PHF21A: variants seen among roughly 807,000 people sequenced by gnomAD.
The protein encoded by PHF21A is PHD finger protein 21A.
A neutral mutation model predicts 82.5 loss-of-function variants in PHF21A; 11 were observed. The ratio of observed to expected loss-of-function variants is 0.13; its 90% confidence interval spans 0.08 to 0.22. The LOEUF (loss-of-function observed/expected upper bound fraction) is 0.22, where lower values mean the gene tolerates loss of function less well. PHF21A is among the 10% of genes least tolerant of loss of function. The pLI, the probability that PHF21A is intolerant of heterozygous loss-of-function variation, is 1.00. For synonymous variants in PHF21A, 297 were observed against 302.8 expected (o/e 0.98, Z 0.20); for missense variants, 579 against 837.8 (o/e 0.69, Z 3.81).
Position 45,931,693 on chromosome 11 carries a change from T to G in PHF21A, c.*2275A>C, listed in dbSNP as rs2087665974. On this transcript the variant is annotated 3_prime_UTR_variant, in exon 19 of 19. Transcript: ENST00000676320. ...AGGATCGTTTCTACCTCTCCTAGAC[T>G]CTGGCCATTCCCAGGGCCTGGAGTG... is the stretch of plus-strand genomic sequence containing the variant. 6.6e-6 allele frequency: 1 copy of G among 152,284 alleles called. No homozygotes were observed. Among genetic ancestry groups the G allele is most frequent in the South Asian group, 2.1e-4 (1 of 4,828 alleles). 9.4% of individuals were successfully genotyped at this position (152,284 alleles called of 1,614,324 possible).
At chr11:46,008,872 A>C (rs557046377) in intron 6 of PHF21A, among the ~76,000 whole-genome samples, 3 of 151,508 alleles carry the variant, frequency 2.0e-5, no homozygotes, top group Non-Finnish European at 4.4e-5. Flanking sequence ...CCATTCCACT[A>C]CTTATTTGAC....
chr11:45,999,522 T>A (rs1353886777), intron 6 of PHF21A, among the ~76,000 whole-genome samples: 1 of 152,208 alleles, frequency 6.6e-6, no homozygotes, highest in Admixed American at 6.5e-5. Context: ...TATTCTACCT[T>A]GTTTCTAACA....
intron 6 of PHF21A, among the ~76,000 whole-genome samples, chr11:46,067,094 A>G (rs1267681131): frequency 2.6e-5 from 4 of 152,140 alleles, no homozygotes; most frequent in Non-Finnish European, 4.4e-5. Flanking sequence ...TGTATTACTT[A>G]CTTATGTATT....
chr11:45,963,437 AAG>A (rs2093240723), intron 10 of PHF21A, among the ~76,000 whole-genome samples: 3 of 151,174 alleles, frequency 2.0e-5, no homozygotes, highest in Non-Finnish European at 4.4e-5. Context: ...AAAAAAAAAA[AAG>A]AAAAGAAAAA....
intron 6 of PHF21A, among the ~76,000 whole-genome samples, chr11:45,986,110 G>C (rs200215482): frequency 6.5e-4 from 7 of 10,750 alleles, no homozygotes; most frequent in African/African-American, 9.9e-4. Context: ...CACACACACA[G>C]AGGTATTTAC....
At chr11:46,009,078 G>A (rs965915111) in intron 6 of PHF21A, among the ~76,000 whole-genome samples, 7 of 149,610 alleles carry the variant, frequency 4.7e-5, no homozygotes, top group Admixed American at 2.7e-4. Flanking sequence ...GGGTTCAAGC[G>A]ATTCTCCTGC....
At chr11:46,021,757 C>A (rs1166548894) in intron 6 of PHF21A, among the ~76,000 whole-genome samples, 1 of 152,130 alleles carries the variant, frequency 6.6e-6, no homozygotes, top group African/African-American at 2.4e-5. Context: ...CACTTTGTTG[C>A]CCAGGCTGGT....
chr11:46,073,399 T>C (rs1354568058), intron 6 of PHF21A, among the ~76,000 whole-genome samples: 1 of 152,124 alleles, frequency 6.6e-6, no homozygotes, highest in East Asian at 1.9e-4. Context: ...AAGAATGTCA[T>C]TAGATTTTTA....
Position 45,971,905 on chromosome 11 carries a change from T to TTTTTTTTTA in PHF21A, c.361-539_361-538insTAAAAAAAA, listed in dbSNP as rs1452859819. Among the ~76,000 whole-genome samples the TTTTTTTTTA allele has an allele frequency of 6.4e-4, 58 of 89,952 alleles. 10 individuals carry two copies. The highest frequency in any genetic ancestry group is 9.5e-3 in the Middle Eastern group (2 of 210). 59.0% of individuals were successfully genotyped at this position (89,952 alleles called of 152,430 possible). A position where few individuals can be genotyped will look rare whatever the true frequency, so the allele number is the denominator to read the frequency against. The stretch of plus-strand genomic sequence containing the variant: ...CTTTTTCTTTCTTTTTTTTTTTTTT[T>TTTTTTTTTA]ATGGTGTCACCCTGGAGAGAAGGAA... On this transcript the variant is annotated intron_variant, in intron 7 of 18. Coordinates refer to ENST00000676320, the MANE Select transcript of PHF21A (RefSeq NM_001352027.3).
chr11:46,086,188 A>C (rs913311142), intron 3 of PHF21A, among the ~76,000 whole-genome samples: 2 of 151,164 alleles, frequency 1.3e-5, no homozygotes, highest in African/African-American at 4.9e-5. Context: ...GCACGATCTC[A>C]GCTCACTGCA....
At chr11:45,949,042 A>C in intron 13 of PHF21A, 96 bp from the exon 14 acceptor site, 2 of 944,816 alleles carry the variant, frequency 2.1e-6, no homozygotes, top group Non-Finnish European at 1.8e-6. Context: ...GACTGTCAAC[A>C]TGCCGACTAG....
chr11:45,945,936 A>G lies in PHF21A; in HGVS notation c.1356T>C (p.Ser452=). ...GALTPTSPQS[S]HPDSPENEKT... ...TTTCATTTTCAGGGGAGTCAGGATGACTGGATTGGGGGGATGTTGGGGTAA... is the reference window on the plus strand; with the variant it reads ...TTTCATTTTCAGGGGAGTCAGGATGGCTGGATTGGGGGGATGTTGGGGTAA... The change falls in exon 15 of 19, where the codon AGT becomes AGC. Residue 452 remains serine (S), a synonymous_variant. Coordinates refer to ENST00000676320, the MANE Select transcript of PHF21A (RefSeq NM_001352027.3). 6.2e-7 allele frequency: 1 copy of G among 1,613,438 alleles called. No individual in the cohort carries two copies. Among genetic ancestry groups the G allele is most frequent in the Non-Finnish European group, 8.5e-7 (1 of 1,179,718 alleles).
intron 15 of PHF21A, among the ~76,000 whole-genome samples, chr11:45,944,408 T>C (rs2090954918): frequency 6.6e-6 from 1 of 152,246 alleles, no homozygotes; most frequent in Admixed American, 6.5e-5. Context: ...ACCATTATTG[T>C]AACTTTTCTG....
chr11:45,967,357 G>T (rs1287252147), intron 9 of PHF21A, among the ~76,000 whole-genome samples: 1 of 117,792 alleles, frequency 8.5e-6, no homozygotes, highest in African/African-American at 3.1e-5. Context: ...GATAGAGTGA[G>T]ACCCTGTCTT....
At chr11:46,041,840 T>C (rs947951205) in intron 6 of PHF21A, among the ~76,000 whole-genome samples, 2 of 152,148 alleles carry the variant, frequency 1.3e-5, no homozygotes, top group Admixed American at 6.6e-5. Flanking sequence ...CCAGATGACA[T>C]TATTACATTT....
Position 45,930,383 on chromosome 11 carries a change from T to A in PHF21A, c.*3585A>T, listed in dbSNP as rs2087555911. ...TGTTGCAGGGAAACCAGGCACACGA[T>A]GGTGCCAGCTGGAGGCTGCCAGGGC... On this transcript the variant is annotated 3_prime_UTR_variant, in exon 19 of 19. Transcript: ENST00000676320. 6.6e-6 allele frequency: 1 copy of A among 152,348 alleles called. No homozygotes were observed. The highest frequency in any genetic ancestry group is 2.4e-5 in the African/African-American group (1 of 41,448). 9.4% of individuals were successfully genotyped at this position (152,348 alleles called of 1,614,324 possible).
intron 1 of PHF21A, among the ~76,000 whole-genome samples, chr11:46,102,916 A>C (rs904410161): frequency 3.3e-5 from 5 of 152,212 alleles, no homozygotes; most frequent in Admixed American, 6.5e-5. Flanking sequence ...AATAGAAATA[A>C]AACAGTGGTG....
intron 9 of PHF21A, among the ~76,000 whole-genome samples, chr11:45,965,952 G>A (rs141060827): frequency 2.0e-5 from 3 of 152,092 alleles, no homozygotes; most frequent in Non-Finnish European, 4.4e-5. Flanking sequence ...GCCTTAACTC[G>A]CATTTGAAAT....
intron 6 of PHF21A, among the ~76,000 whole-genome samples, chr11:46,058,000 A>G (rs993821861): frequency 6.6e-6 from 1 of 152,202 alleles, no homozygotes; most frequent in African/African-American, 2.4e-5. Flanking sequence ...CCTACTTTGC[A>G]AACGTTTTTC....
Sources: allele counts gnomAD v4.1 joint callset (sites outside exome capture counted in the v4.1 genomes callset), GRCh38; gene constraint gnomAD v4.1.1; transcripts MANE v1.5; gene names NCBI Gene and HGNC (gene_info 2026-07-23, HGNC 2026-07-21).